CYP2U1: variants seen among roughly 807,000 people sequenced by gnomAD.
CYP2U1 encodes the protein cytochrome P450 family 2 subfamily U member 1.
A neutral mutation model predicts 42.8 loss-of-function variants in CYP2U1; 28 were observed. The observed-to-expected ratio is 0.65, with a 90% CI of 0.48 to 0.90. CYP2U1 has a LOEUF of 0.90. Among genes scored for constraint, CYP2U1 ranks in the 40% least tolerant of loss-of-function variants. The pLI, the probability that CYP2U1 is intolerant of heterozygous loss-of-function variation, is 0.00. For synonymous variants in CYP2U1, 296 were observed against 278.9 expected (o/e 1.06, Z -0.61); for missense variants, 642 against 693.8 (o/e 0.93, Z 0.84).
chr4:107,932,888 C>T (rs1319810716), intron 1 of CYP2U1, among the ~76,000 whole-genome samples: 1 of 152,162 alleles, frequency 6.6e-6, no homozygotes, highest in Non-Finnish European at 1.5e-5. Context: ...GAACCAGGTC[C>T]CTTGCCCAAG....
At position 107,945,057 on chromosome 4, in the gene CYP2U1, T is replaced by C; in HGVS notation, c.578T>C (p.Leu193Pro). ...CTTCGTCATTTTGGGTTGGGAAAAC[T>C]TAGCTTGGAGCCCAAGATTATTGAG... ...STLRHFGLGK[L>P]SLEPKIIEEF... The change falls in exon 2 of 5, where the codon CTT becomes CCT. Residue 193 changes from leucine to proline, a missense_variant. Transcript: ENST00000332884. 1 of 1,613,630 alleles carries C rather than the reference T, an allele frequency of 6.2e-7. No homozygotes were observed. Among genetic ancestry groups the C allele is most frequent in the Non-Finnish European group, 8.5e-7 (1 of 1,179,924 alleles).
At chr4:107,947,279 C>G in intron 2 of CYP2U1, 97 bp from the exon 3 acceptor site, 1 of 1,052,712 alleles carries the variant, frequency 9.5e-7, no homozygotes, top group South Asian at 1.5e-5. Flanking sequence ...GCCAACTGAC[C>G]AGTTATGCAT....
chr4:107,945,236 G>A lies in CYP2U1; in HGVS notation c.757G>A (p.Gly253Ser). ...TAATAGTGAGTTCAAGAAAATGCTTGGTTTTATGTCACGAGGCCTAGAAAT... is the reference window on the plus strand; with the variant it reads ...TAATAGTGAGTTCAAGAAAATGCTTAGTTTTATGTCACGAGGCCTAGAAAT... Reference protein sequence around the residue: ...YTNSEFKKMLGFMSRGLEICL... With the variant: ...YTNSEFKKMLSFMSRGLEICL... The change falls in exon 2 of 5, where the codon GGT becomes AGT. Residue 253 changes from glycine (G) to serine (S), a missense_variant. Transcript: ENST00000332884. The A allele has an allele frequency of 6.2e-7, 1 of 1,614,014 alleles. No individual in the cohort carries two copies. The highest frequency in any genetic ancestry group is 2.2e-5 in the East Asian group (1 of 44,852).
In CYP2U1 at chr4:107,950,479, C is replaced by G; in HGVS notation, c.*56C>G. The G allele has an allele frequency of 6.7e-7, 1 of 1,499,236 alleles. No individual in the cohort carries two copies. The highest frequency in any genetic ancestry group is 8.9e-7 in the Non-Finnish European group (1 of 1,122,612). The allele number at this position is 1,499,236 out of a possible 1,614,324, so 92.9% of individuals were successfully genotyped here. A position where few individuals can be genotyped will look rare whatever the true frequency, so the allele number is the denominator to read the frequency against. On this transcript the variant is annotated 3_prime_UTR_variant, in exon 5 of 5. Transcript: ENST00000332884. Reference sequence around the variant, plus strand: ...ATATATAAATACATATCCTTCTAAGCAGATTCTTCCTACTGCAAAGGACAG... The same window carrying G: ...ATATATAAATACATATCCTTCTAAGGAGATTCTTCCTACTGCAAAGGACAG...
chr4:107,945,323 G>A lies in CYP2U1; in HGVS notation c.844G>A (p.Gly282Arg). The A allele has an allele frequency of 6.2e-7, 1 of 1,613,680 alleles. No individual in the cohort carries two copies. The change falls in exon 2 of 5, where the codon GGA (glycine) becomes AGA (arginine). Residue 282 changes from glycine to arginine, a missense_variant. By Grantham distance (125) the Gly-to-Arg change is moderately radical. Transcript: ENST00000332884. ...CCCTTGGCTTTATTACCTTCCCTTTGGACCATTTAAGGAATTAAGACAAAT... is the reference window on the plus strand; with the variant it reads ...CCCTTGGCTTTATTACCTTCCCTTTAGACCATTTAAGGAATTAAGACAAAT... ...ICPWLYYLPF[G>R]PFKELRQIEK...
chr4:107,932,219 C>T, intron 1 of CYP2U1, 86 bp downstream of exon 1: 2 of 1,473,620 alleles, frequency 1.4e-6, no homozygotes, highest in Non-Finnish European at 1.8e-6. Context: ...TGTGCCCCTT[C>T]CGGCCGCCCG....
intron 1 of CYP2U1, among the ~76,000 whole-genome samples, chr4:107,936,917 T>C (rs1211435423): frequency 6.6e-6 from 1 of 152,238 alleles, no homozygotes; most frequent in African/African-American, 2.4e-5. Context: ...AATAAAATGG[T>C]ATCATATTCT....
At chr4:107,944,885 A>G in intron 1 of CYP2U1, 85 bp from the exon 2 acceptor site, 1 of 1,096,018 alleles carries the variant, frequency 9.1e-7, no homozygotes, top group Non-Finnish European at 1.1e-6. Flanking sequence ...TGACTTGAAA[A>G]ATACAGAATG....
Position 107,950,829 on chromosome 4 carries a change from T to C in CYP2U1, c.*406T>C, listed in dbSNP as rs1733884898. 6.4e-6 allele frequency: 1 copy of C among 156,382 alleles called. No individual in the cohort carries two copies. Among genetic ancestry groups the C allele is most frequent in the Admixed American group, 6.3e-5 (1 of 15,840 alleles). 9.7% of individuals were successfully genotyped at this position (156,382 alleles called of 1,614,324 possible). On this transcript the variant is annotated 3_prime_UTR_variant, in exon 5 of 5. Transcript: ENST00000332884. ...CAAATGCCTTACATCTTTTCTGATA[T>C]CTCTAAAATGCTGTTAAGTTCTGGA...
At position 107,950,407 on chromosome 4, in the gene CYP2U1, C is replaced by T. The variant is rs1301011126; in HGVS notation, c.1619C>T (p.Thr540Ile). 1.2e-6 allele frequency: 2 copies of T among 1,609,410 alleles called. No homozygotes were observed. The highest frequency in any genetic ancestry group is 2.2e-5 in the South Asian group (2 of 90,016). Residue 540 changes from threonine (T) to isoleucine (I), a missense_variant, in exon 5 of 5, where the codon ACT becomes ATT. Coordinates refer to ENST00000332884, the MANE Select transcript of CYP2U1 (RefSeq NM_183075.3). ...TTAGCCCCACATCCATTTAATATAA[C>T]TATTTCAAGGAGATGAAGAGCATCT... ...LTLAPHPFNI[T>I]ISRR
chr4:107,941,133 A>C (rs996103469), intron 1 of CYP2U1: 2 of 152,132 alleles, frequency 1.3e-5, no homozygotes, highest in Admixed American at 1.3e-4. Context: ...CATTCATGAT[A>C]AATGGATCCA....
chr4:107,948,983 A>G (rs1254207123), intron 3 of CYP2U1, among the ~76,000 whole-genome samples: 2 of 152,200 alleles, frequency 1.3e-5, no homozygotes, highest in Admixed American at 1.3e-4. Flanking sequence ...ATGGACATAA[A>G]TGACCCTGTA....
chr4:107,940,251 AATT>A (rs1733439447), intron 1 of CYP2U1: 1 of 150,234 alleles, frequency 6.7e-6, no homozygotes, highest in Non-Finnish European at 1.5e-5. Context: ...AGCTAATTAA[AATT>A]TTTTTTTTAT....
chr4:107,945,482 A>C lies in CYP2U1; in HGVS notation c.1003A>C (p.Ser335Arg), dbSNP rs768614203. The change falls in exon 2 of 5, where the codon AGC (serine) becomes CGC (arginine). Residue 335 changes from serine (S) to arginine (R), a missense_variant. Coordinates refer to ENST00000332884, the MANE Select transcript of CYP2U1 (RefSeq NM_183075.3). Reference protein sequence around the residue: ...MEEERKNNSNSSFDEEYLFYI... With the variant: ...MEEERKNNSNRSFDEEYLFYI... ...AGAGGAGAGGAAAAATAATAGTAACAGCAGTTTTGATGAAGAGTACTTATT... is the reference window on the plus strand; with the variant it reads ...AGAGGAGAGGAAAAATAATAGTAACCGCAGTTTTGATGAAGAGTACTTATT... 1 of 1,613,976 alleles carries C rather than the reference A, an allele frequency of 6.2e-7. No homozygotes were observed. Among genetic ancestry groups the C allele is most frequent in the African/African-American group, 1.3e-5 (1 of 74,930 alleles).
At chr4:107,947,683 A>C (rs921420048) in intron 3 of CYP2U1, 146 bp downstream of exon 3, 1 of 816,266 alleles carries the variant, frequency 1.2e-6, no homozygotes, top group African/African-American at 1.7e-5. Context: ...TAAAATGTCT[A>C]GGGAATGTTC....
Position 107,945,382 on chromosome 4 carries a change from C to A in CYP2U1, c.903C>A (p.Ile301=). ...ATATAACCAGTTTCCTTAAAAAAAT[C>A]ATCAAAGACCATCAAGAGTCTCTGG... ...EKDITSFLKK[I]IKDHQESLDR... Residue 301 remains isoleucine, a synonymous_variant, in exon 2 of 5, where the codon ATC becomes ATA. Coordinates refer to ENST00000332884, the MANE Select transcript of CYP2U1 (RefSeq NM_183075.3). 6.2e-7 allele frequency: 1 copy of A among 1,614,012 alleles called. No individual in the cohort carries two copies. Among genetic ancestry groups the A allele is most frequent in the Non-Finnish European group, 8.5e-7 (1 of 1,179,986 alleles).
Position 107,932,436 on chromosome 4 carries a change from A to G in CYP2U1, c.490+303A>G, listed in dbSNP as rs62311379. 0.17 allele frequency among the ~76,000 whole-genome samples: 25,972 copies of G among 152,238 alleles called. 2,442 individuals carry two copies. The highest frequency in any genetic ancestry group is 0.21 in the Non-Finnish European group (14,303 of 68,000). ...AGGACAAGGTGGCAAGCCAGGTTCC[A>G]TCTTTCCAAAAGTAGCCTTCCCTTC... On this transcript the variant is annotated intron_variant, in intron 1 of 4. Transcript: ENST00000332884.
At chr4:107,940,056 C>T (rs1171609600) in intron 1 of CYP2U1, 3 of 151,764 alleles carry the variant, frequency 2.0e-5, no homozygotes, top group Non-Finnish European at 4.4e-5. Context: ...CAACTATATA[C>T]TTGACGCTGC....
chr4:107,948,592 A>C (rs6838146), intron 3 of CYP2U1, among the ~76,000 whole-genome samples: 46,860 of 150,530 alleles, frequency 0.31, 8,275 homozygotes, highest in Middle Eastern at 0.45. Flanking sequence ...TAATAATAAT[A>C]ATCATCATCA....
Sources: gnomAD v4.1 joint callset for allele counts (sites outside exome capture counted in the v4.1 genomes callset) on GRCh38, gnomAD v4.1.1 for gene constraint, MANE v1.5 for transcripts, NCBI Gene and HGNC (gene_info 2026-07-23, HGNC 2026-07-21) for gene names.